The following SIPA1L3 variants were observed in gnomAD, a reference collection of about 807,000 sequenced individuals.
SIPA1L3 encodes the protein signal induced proliferation associated 1 like 3, also known as signal-induced proliferation-associated 1-like protein 3.
A neutral mutation model predicts 150.1 loss-of-function variants in SIPA1L3; 59 were observed. The observed-to-expected ratio is 0.39, with a 90% CI of 0.32 to 0.49. The LOEUF (loss-of-function observed/expected upper bound fraction) is 0.49, where lower values mean the gene tolerates loss of function less well. Among genes scored for constraint, SIPA1L3 ranks in the 20% least tolerant of loss-of-function variants. The pLI, the probability that SIPA1L3 is intolerant of heterozygous loss-of-function variation, is 0.86. For synonymous variants in SIPA1L3, 1,070 were observed against 1,077.6 expected (o/e 0.99, Z 0.14); for missense variants, 2,211 against 2,489.5 (o/e 0.89, Z 2.38).
intron 2 of SIPA1L3, among the ~76,000 whole-genome samples, chr19:38,060,053 G>A (rs561771722): frequency 6.6e-6 from 1 of 152,186 alleles, no homozygotes; most frequent in Non-Finnish European, 1.5e-5. Context: ...GGGATTACAG[G>A]CATGAGCCAC....
At position 38,072,464 on chromosome 19, in the gene SIPA1L3, AATG is replaced by A. The variant is rs376620637; in HGVS notation, c.-310-8787_-310-8785del. 7.9e-4 allele frequency among the ~76,000 whole-genome samples: 121 copies of A among 152,352 alleles called. 3 individuals carry two copies. The East Asian group carries it at 0.018, about 22-fold the overall frequency. On this transcript the variant is annotated intron_variant, in intron 2 of 21. Transcript: ENST00000222345. ...GTGTCCAACTTGATGCAGAGACTCA[AATG>A]ATGACTACAGCCCCAGATTCTAACT...
In SIPA1L3 at chr19:38,157,100, G is replaced by A. The variant is rs191582422; in HGVS notation, c.3661+4133G>A. Among the ~76,000 whole-genome samples, 491 of 152,194 alleles carry A rather than the reference G, an allele frequency of 3.2e-3. 3 individuals carry two copies. The highest frequency in any genetic ancestry group is 0.011 in the African/African-American group (474 of 41,534). The stretch of plus-strand genomic sequence containing the variant: ...GATGGCTTGAGCCCGAGAGTTTGAG[G>A]CTACAGCAAGCCATGATCCACTACA... On this transcript the variant is annotated intron_variant, in intron 13 of 21. Coordinates refer to ENST00000222345, the MANE Select transcript of SIPA1L3 (RefSeq NM_015073.3).
intron 9 of SIPA1L3, 59 bp downstream of exon 9, chr19:38,119,941 A>C (rs1970980116): frequency 1.7e-6 from 2 of 1,209,984 alleles, no homozygotes; most frequent in Non-Finnish European, 1.2e-6. Context: ...CTCAGGAACC[A>C]CTGAAATACT....
In SIPA1L3 at chr19:38,081,834, G is replaced by GGGA; in HGVS notation, c.272_274dup (p.Glu91dup). On this transcript the variant is annotated inframe_insertion, in exon 3 of 22. Transcript: ENST00000222345. Reference sequence around the variant, plus strand: ...AGGGTGGCCGACTGGCCGCCCAAGCGGGAGGCCCTGAGAGAGCACAGCAAC... The same window carrying GGGA: ...AGGGTGGCCGACTGGCCGCCCAAGCGGGAGGAGGCCCTGAGAGAGCACAGCAAC... 6.2e-7 allele frequency: 1 copy of GGGA among 1,613,786 alleles called. No individual in the cohort carries two copies. Among genetic ancestry groups the GGGA allele is most frequent in the Non-Finnish European group, 8.5e-7 (1 of 1,179,876 alleles).
chr19:38,206,501 T>A lies in SIPA1L3; in HGVS notation c.*261T>A, dbSNP rs1453896341. 9.8e-6 allele frequency: 4 copies of A among 409,158 alleles called. No homozygotes were observed. Among genetic ancestry groups the A allele is most frequent in the African/African-American group, 6.2e-5 (3 of 48,386 alleles). The allele number at this position is 409,158 out of a possible 1,614,324, so 25.3% of individuals were successfully genotyped here. On this transcript the variant is annotated 3_prime_UTR_variant, in exon 22 of 22. Coordinates refer to ENST00000222345, the MANE Select transcript of SIPA1L3 (RefSeq NM_015073.3). ...TGGTCCCGGTGAGCTGGGCTGTGCT[T>A]ACACCGCTCCCGGGCCTGCCCCGCT...
At chr19:38,052,004 G>A (rs1218658106) in intron 2 of SIPA1L3, among the ~76,000 whole-genome samples, 1 of 152,222 alleles carries the variant, frequency 6.6e-6, no homozygotes, top group Non-Finnish European at 1.5e-5. Flanking sequence ...CCAACACATG[G>A]CCAGTCTTGT....
chr19:38,019,095 C>T (rs1968306909), intron 1 of SIPA1L3, among the ~76,000 whole-genome samples: 1 of 152,150 alleles, frequency 6.6e-6, no homozygotes, highest in African/African-American at 2.4e-5. Context: ...AAAATACTGT[C>T]CCATCACTCA....
At chr19:38,195,978 C>G (rs1429650630) in intron 18 of SIPA1L3, among the ~76,000 whole-genome samples, 1 of 152,144 alleles carries the variant, frequency 6.6e-6, no homozygotes, top group African/African-American at 2.4e-5. Flanking sequence ...TCAGGTCCCT[C>G]TGCATCACAC....
Position 38,080,969 on chromosome 19 carries a change from C to CAAA in SIPA1L3, c.-310-274_-310-272dup, listed in dbSNP as rs34741674. Among the ~76,000 whole-genome samples, 92 of 117,576 alleles carry CAAA rather than the reference C, an allele frequency of 7.8e-4. 3 individuals carry two copies. The East Asian group carries it at 0.019, about 24-fold the overall frequency. 77.1% of individuals were successfully genotyped at this position (117,576 alleles called of 152,430 possible). A position where few individuals can be genotyped will look rare whatever the true frequency, so the allele number is the denominator to read the frequency against. ...TGGGTGACAGAGCGAGACTCTGTCT[C>CAAA]AAAAAAAAAAAAAAATGATGTCTGG... On this transcript the variant is annotated intron_variant, in intron 2 of 21. Coordinates refer to ENST00000222345, the MANE Select transcript of SIPA1L3 (RefSeq NM_015073.3).
chr19:38,175,329 C>T (rs1038275089), intron 15 of SIPA1L3, among the ~76,000 whole-genome samples: 1 of 152,140 alleles, frequency 6.6e-6, no homozygotes, highest in Non-Finnish European at 1.5e-5. Context: ...TCCCTGAGAG[C>T]CTGTCACCCA....
intron 18 of SIPA1L3, among the ~76,000 whole-genome samples, chr19:38,195,802 G>GCCCCCCCCCCCCCCCCC (rs976090881): frequency 4.9e-5 from 1 of 20,252 alleles, no homozygotes; most frequent in Non-Finnish European, 1.0e-4. Context: ...GTCCCCCCCC[G>GCCCCCCCCCCCCCCCCC]CCCCCCCGGG....
At chr19:38,014,544 C>CTTTT (rs72101453) in intron 1 of SIPA1L3, among the ~76,000 whole-genome samples, 1 of 116,838 alleles carries the variant, frequency 8.6e-6, no homozygotes, top group Non-Finnish European at 1.7e-5. Context: ...ACACCACATT[C>CTTTT]TTTTTTTTTT....
Position 38,172,456 on chromosome 19 carries a change from G to A in SIPA1L3, c.4208+7550G>A, listed in dbSNP as rs79350602. Among the ~76,000 whole-genome samples the A allele has an allele frequency of 5.8e-3, 884 of 152,300 alleles. 6 individuals are homozygous for A. Among genetic ancestry groups the A allele is most frequent in the African/African-American group, 0.02 (832 of 41,562 alleles). ...AAGACAGACAGACAGCCGAACCACCGTGGAGTGTGCCAGGAGGTGATAAGT... is the reference window on the plus strand; with the variant it reads ...AAGACAGACAGACAGCCGAACCACCATGGAGTGTGCCAGGAGGTGATAAGT... On this transcript the variant is annotated intron_variant, in intron 15 of 21. Coordinates refer to ENST00000222345, the MANE Select transcript of SIPA1L3 (RefSeq NM_015073.3).
At chr19:37,943,819 C>T (rs1351079501) in intron 1 of SIPA1L3, among the ~76,000 whole-genome samples, 1 of 152,142 alleles carries the variant, frequency 6.6e-6, no homozygotes, top group Non-Finnish European at 1.5e-5. Flanking sequence ...TTAGCGTGGT[C>T]TCCTGTGGAA....
intron 3 of SIPA1L3, among the ~76,000 whole-genome samples, chr19:38,083,936 T>A (rs935973063): frequency 7.0e-6 from 1 of 142,540 alleles, no homozygotes; most frequent in Non-Finnish European, 1.5e-5. Flanking sequence ...GATGTTGCGG[T>A]GGGCTGAGAT....
chr19:38,190,991 C>T (rs1194905787), intron 16 of SIPA1L3, among the ~76,000 whole-genome samples: 3 of 152,216 alleles, frequency 2.0e-5, no homozygotes, highest in Non-Finnish European at 2.9e-5. Context: ...TGATTTGAAA[C>T]CTGACTCCTT....
At chr19:38,189,955 G>A (rs373000662) in intron 16 of SIPA1L3, among the ~76,000 whole-genome samples, 11 of 152,140 alleles carry the variant, frequency 7.2e-5, no homozygotes, top group Admixed American at 5.2e-4. Flanking sequence ...TCTGCCATGC[G>A]TCTCTGGAGG....
At chr19:38,070,105 G>A (rs925336926) in intron 2 of SIPA1L3, among the ~76,000 whole-genome samples, 1 of 152,038 alleles carries the variant, frequency 6.6e-6, no homozygotes, top group East Asian at 1.9e-4. Flanking sequence ...TCCACGGCAG[G>A]TACCCTCTCT....
chr19:38,087,975 G>A (rs938444006), intron 3 of SIPA1L3, among the ~76,000 whole-genome samples: 8 of 152,242 alleles, frequency 5.3e-5, no homozygotes, highest in African/African-American at 1.4e-4. Flanking sequence ...CCGAGATCGC[G>A]CCAATGCCCT....
Sources: allele counts gnomAD v4.1 joint callset (sites outside exome capture counted in the v4.1 genomes callset), GRCh38; gene constraint gnomAD v4.1.1; transcripts MANE v1.5; gene names NCBI Gene and HGNC (gene_info 2026-07-23, HGNC 2026-07-21).